EXOC4: variants seen among roughly 807,000 people sequenced by gnomAD.
EXOC4 encodes the protein exocyst complex component 4.
Under a neutral mutation model 107.2 loss-of-function variants are expected in EXOC4, and 71 were observed. That is an observed-to-expected ratio of 0.66 (90% CI 0.55 to 0.81). The LOEUF (loss-of-function observed/expected upper bound fraction) is 0.81. Among genes scored for constraint, EXOC4 ranks in the 30% least tolerant of loss-of-function variants. EXOC4 has a pLI of 0.00. For synonymous variants in EXOC4, 456 were observed against 441.2 expected, an observed-to-expected ratio of 1.03 and a Z score of -0.42; for missense variants, 1,108 against 1,189.6, an observed-to-expected ratio of 0.93 and a Z score of 1.01.
At chr7:133,878,876 C>G (rs1798905146) in intron 11 of EXOC4, among the ~76,000 whole-genome samples, 1 of 152,072 alleles carries the variant, frequency 6.6e-6, no homozygotes, top group South Asian at 2.1e-4. Flanking sequence ...AGGTGTGCTC[C>G]ACCATGCCTG....
chr7:133,726,604 T>C (rs1485521701), intron 10 of EXOC4, among the ~76,000 whole-genome samples: 1 of 152,234 alleles, frequency 6.6e-6, no homozygotes, highest in Non-Finnish European at 1.5e-5. Context: ...CTTTATTTAC[T>C]CATTCTATGC....
intron 9 of EXOC4, among the ~76,000 whole-genome samples, chr7:133,482,771 T>C (rs1379483169): frequency 1.3e-5 from 2 of 152,206 alleles, no homozygotes; most frequent in Non-Finnish European, 2.9e-5. Flanking sequence ...GTCTGACATA[T>C]AGTGAATGCT....
At chr7:133,486,113 T>C (rs1405952291) in intron 9 of EXOC4, among the ~76,000 whole-genome samples, 1 of 152,182 alleles carries the variant, frequency 6.6e-6, no homozygotes, top group Non-Finnish European at 1.5e-5. Flanking sequence ...CTCACTTCTT[T>C]AAGATGATTT....
chr7:133,951,136 G>A (rs372659916), intron 14 of EXOC4, among the ~76,000 whole-genome samples: 1 of 152,172 alleles, frequency 6.6e-6, no homozygotes, highest in African/African-American at 2.4e-5. Context: ...AACAAATGAG[G>A]AGGGGTGCTT....
chr7:133,255,191 T>A (rs79519813), intron 1 of EXOC4, among the ~76,000 whole-genome samples: 2 of 151,536 alleles, frequency 1.3e-5, no homozygotes, highest in African/African-American at 4.9e-5. Context: ...CTTTTCTTTT[T>A]TTTTGAGACA....
At chr7:133,553,048 C>G (rs756513672) in intron 9 of EXOC4, among the ~76,000 whole-genome samples, 6 of 152,042 alleles carry the variant, frequency 3.9e-5, no homozygotes, top group Admixed American at 2.0e-4. Context: ...TTGCCATTTA[C>G]TAGTGGGTAT....
intron 7 of EXOC4, among the ~76,000 whole-genome samples, chr7:133,420,541 A>T (rs1396864656): frequency 2.0e-5 from 3 of 151,860 alleles, no homozygotes; most frequent in African/African-American, 7.3e-5. Context: ...CATCTTTTTC[A>T]TATTCTGTTG....
rs886329554 is a variant in EXOC4 at position 133,897,980 on chromosome 7, G to A, written c.1871+2245G>A. Among the ~76,000 whole-genome samples, 6 of 151,962 alleles carry A rather than the reference G, an allele frequency of 3.9e-5. 1 individual carries two copies. Among genetic ancestry groups the A allele is most frequent in the Non-Finnish European group, 7.4e-5 (5 of 67,980 alleles). On this transcript the variant is annotated intron_variant, in intron 12 of 17. Transcript: ENST00000253861. The stretch of plus-strand genomic sequence containing the variant: ...CTAACTGAAACTTTGTATGGTTTGA[G>A]CAACATCTCCCCACCTCACCCCACA...
At chr7:134,029,965 T>A (rs1280431503) in intron 17 of EXOC4, among the ~76,000 whole-genome samples, 1 of 152,234 alleles carries the variant, frequency 6.6e-6, no homozygotes, top group African/African-American at 2.4e-5. Flanking sequence ...TCTGGAACGT[T>A]TCCTAAAGAA....
intron 5 of EXOC4, among the ~76,000 whole-genome samples, chr7:133,339,641 C>T (rs1795612519): frequency 6.6e-6 from 1 of 152,154 alleles, no homozygotes; most frequent in Admixed American, 6.5e-5. Context: ...TATCCATGAG[C>T]GTGGGATGTG....
At position 133,565,832 on chromosome 7, in the gene EXOC4, A is replaced by G. The variant is rs541030049; in HGVS notation, c.1418-64213A>G. On this transcript the variant is annotated intron_variant, in intron 9 of 17. Coordinates refer to ENST00000253861, the MANE Select transcript of EXOC4 (RefSeq NM_021807.4). The stretch of plus-strand genomic sequence containing the variant: ...GATGTGTTCCTTCCCAGGTGATCCT[A>G]CTGGTGGTTCAGAACAACACTTTGA... Among the ~76,000 whole-genome samples the G allele has an allele frequency of 1.1e-4, 17 of 152,202 alleles. No homozygotes were observed. The East Asian group carries it at 2.1e-3, about 19-fold the overall frequency.
At chr7:133,775,359 G>A (rs962847472) in intron 10 of EXOC4, among the ~76,000 whole-genome samples, 1 of 152,162 alleles carries the variant, frequency 6.6e-6, no homozygotes, top group Non-Finnish European at 1.5e-5. Flanking sequence ...GAGAAATGAC[G>A]TCAAGCCACC....
chr7:133,779,737 A>G (rs907034474), intron 10 of EXOC4, among the ~76,000 whole-genome samples: 26 of 152,150 alleles, frequency 1.7e-4, no homozygotes, highest in Non-Finnish European at 3.5e-4. Flanking sequence ...AGAGATTTGT[A>G]AAATAGACCA....
intron 9 of EXOC4, among the ~76,000 whole-genome samples, chr7:133,514,078 A>G (rs1019103009): frequency 3.3e-5 from 5 of 152,144 alleles, no homozygotes; most frequent in Non-Finnish European, 7.3e-5. Flanking sequence ...TACATGTATT[A>G]ATGGTATTGA....
chr7:133,980,513 T>C (rs973093184), intron 14 of EXOC4, among the ~76,000 whole-genome samples: 23 of 152,232 alleles, frequency 1.5e-4, no homozygotes, highest in Non-Finnish European at 2.6e-4. Flanking sequence ...TAGTAAGTGG[T>C]TGAATCATAA....
intron 11 of EXOC4, among the ~76,000 whole-genome samples, chr7:133,857,142 A>T: frequency 2.0e-5 from 1 of 50,676 alleles, no homozygotes; most frequent in African/African-American, 9.9e-5. Context: ...ATATATACAC[A>T]TACACGTATA....
At chr7:133,852,470 T>C (rs1377865443) in intron 11 of EXOC4, among the ~76,000 whole-genome samples, 1 of 152,224 alleles carries the variant, frequency 6.6e-6, no homozygotes, top group Non-Finnish European at 1.5e-5. Flanking sequence ...CACCTGCTAA[T>C]ATTTGACTAC....
At chr7:133,538,874 A>AGAGG in intron 9 of EXOC4, among the ~76,000 whole-genome samples, 1 of 113,934 alleles carries the variant, frequency 8.8e-6, no homozygotes, top group East Asian at 3.0e-4. Flanking sequence ...AGAGAGAGAG[A>AGAGG]GAGAGAGAGG....
intron 3 of EXOC4, among the ~76,000 whole-genome samples, chr7:133,295,523 G>A (rs1302316681): frequency 6.6e-6 from 1 of 151,976 alleles, no homozygotes; most frequent in African/African-American, 2.4e-5. Flanking sequence ...TAATCCACTG[G>A]GTATCATCAC....
Sources: gnomAD v4.1 joint callset for allele counts (sites outside exome capture counted in the v4.1 genomes callset) on GRCh38, gnomAD v4.1.1 for gene constraint, MANE v1.5 for transcripts, NCBI Gene and HGNC (gene_info 2026-07-23, HGNC 2026-07-21) for gene names.